The following GALNTL6 variants were observed in gnomAD, a reference collection of about 807,000 sequenced individuals.
GALNTL6 encodes the protein polypeptide N-acetylgalactosaminyltransferase-like 6.
In GALNTL6, 46 loss-of-function variants were observed where a neutral mutation model predicts 73.7. The ratio of observed to expected loss-of-function variants is 0.62; its 90% confidence interval spans 0.49 to 0.80. The LOEUF (loss-of-function observed/expected upper bound fraction) is 0.80, where lower values mean the gene tolerates loss of function less well. Ranked by LOEUF, GALNTL6 falls within the 30% of genes least tolerant of loss-of-function variation. The probability of loss-of-function intolerance (pLI) is 0.00; values close to 1 mark genes in which losing one functional copy is unlikely to be tolerated. For missense variants in GALNTL6, 604 were observed against 755.0 expected, an observed-to-expected ratio of 0.80 and a Z score of 2.34; for synonymous variants, 259 against 263.7, an observed-to-expected ratio of 0.98 and a Z score of 0.17.
chr4:172,387,583 T>G (rs1437946741), intron 5 of GALNTL6, among the ~76,000 whole-genome samples: 1 of 152,134 alleles, frequency 6.6e-6, no homozygotes, highest in East Asian at 1.9e-4. Context: ...TGTCTTTGCC[T>G]TTGACAGTTT....
At chr4:172,292,268 A>G (rs1451271238) in intron 3 of GALNTL6, among the ~76,000 whole-genome samples, 2 of 152,048 alleles carry the variant, frequency 1.3e-5, no homozygotes, top group Admixed American at 6.6e-5. Flanking sequence ...ATGATAAATT[A>G]TAGCATAAAA....
chr4:172,628,874 A>C (rs1739273852), intron 5 of GALNTL6, among the ~76,000 whole-genome samples: 1 of 152,140 alleles, frequency 6.6e-6, no homozygotes, highest in South Asian at 2.1e-4. Flanking sequence ...ATGAATATTA[A>C]AAGATTTTCA....
intron 4 of GALNTL6, among the ~76,000 whole-genome samples, chr4:172,346,988 C>CT (rs34332250): frequency 0.29 from 32,932 of 114,344 alleles, 5,017 homozygotes; most frequent in Non-Finnish European, 0.32. Flanking sequence ...TGTTTTCTTT[C>CT]TTTTTTTTTT....
intron 2 of GALNTL6, among the ~76,000 whole-genome samples, chr4:172,114,233 T>C (rs1312879864): frequency 6.6e-6 from 1 of 152,104 alleles, no homozygotes; most frequent in Non-Finnish European, 1.5e-5. Flanking sequence ...AAAGTCAAAT[T>C]TAAAACAGGC....
intron 3 of GALNTL6, among the ~76,000 whole-genome samples, chr4:172,255,358 G>A (rs1738037438): frequency 1.6e-5 from 2 of 128,982 alleles, no homozygotes; most frequent in Admixed American, 1.6e-4. Flanking sequence ...TGTTCAATTA[G>A]TTGAAGAAGC....
chr4:172,039,655 C>G (rs1203946315), intron 2 of GALNTL6, among the ~76,000 whole-genome samples: 2 of 152,134 alleles, frequency 1.3e-5, no homozygotes, highest in Non-Finnish European at 2.9e-5. Context: ...TAAAAACAGC[C>G]TCTGGAGACT....
At chr4:172,716,227 C>A (rs1387059360) in intron 5 of GALNTL6, among the ~76,000 whole-genome samples, 2 of 152,052 alleles carry the variant, frequency 1.3e-5, no homozygotes, top group Non-Finnish European at 2.9e-5. Flanking sequence ...ACCCACACAA[C>A]AATAGCTAGC....
chr4:172,579,830 GA>G lies in GALNTL6; in HGVS notation c.554-229529del, dbSNP rs2110969989. On this transcript the variant is annotated intron_variant, in intron 5 of 12. Coordinates refer to ENST00000506823, the MANE Select transcript of GALNTL6 (RefSeq NM_001034845.3). ...GGAAGGAGGGAAGGAAGGAGGGAAGGAAGGAGGGAAGGAAGGAAAGAAAGAA... is the reference window on the plus strand; with the variant it reads ...GGAAGGAGGGAAGGAAGGAGGGAAGGAGGAGGGAAGGAAGGAAAGAAAGAA... 1.0e-4 allele frequency among the ~76,000 whole-genome samples: 14 copies of G among 138,922 alleles called. No homozygotes were observed. In the South Asian group the frequency reaches 3.7e-3, roughly 37 times the overall value. 91.1% of individuals were successfully genotyped at this position (138,922 alleles called of 152,430 possible).
chr4:172,761,032 T>G (rs912478751), intron 5 of GALNTL6, among the ~76,000 whole-genome samples: 5 of 152,092 alleles, frequency 3.3e-5, no homozygotes, highest in Non-Finnish European at 5.9e-5. Flanking sequence ...AACTTTGGAG[T>G]GAACAAGTTC....
In GALNTL6 at chr4:172,980,911, A is replaced by G. The variant is rs112181408; in HGVS notation, c.1372-28267A>G. Among the ~76,000 whole-genome samples the G allele has an allele frequency of 8.2e-4, 125 of 152,266 alleles. 1 individual carries two copies. Among genetic ancestry groups the G allele is most frequent in the East Asian group, 8.1e-3 (42 of 5,174 alleles). On this transcript the variant is annotated intron_variant, in intron 10 of 12. Coordinates refer to ENST00000506823, the MANE Select transcript of GALNTL6 (RefSeq NM_001034845.3). ...TTCTACTTTTGTTTCTATCAATTTG[A>G]CTGTTTCAGGTACCTCACATAAGTA...
rs565507445 is a variant in GALNTL6 at position 172,764,040 on chromosome 4, C to A, written c.554-45321C>A. Among the ~76,000 whole-genome samples, 139 of 150,716 alleles carry A rather than the reference C, an allele frequency of 9.2e-4. 3 individuals carry two copies. The South Asian group carries it at 0.028, about 31-fold the overall frequency. ...ATGGGGCGATCTCAGCTCACAGCAA[C>A]CTCCATGTCCTGTGTTCAAACGATT... On this transcript the variant is annotated intron_variant, in intron 5 of 12. Transcript: ENST00000506823.
chr4:172,139,042 A>G (rs1186651385), intron 2 of GALNTL6, among the ~76,000 whole-genome samples: 1 of 152,152 alleles, frequency 6.6e-6, no homozygotes, highest in Non-Finnish European at 1.5e-5. Context: ...TTTGGAAGGG[A>G]AAGGTGGCAG....
At chr4:172,393,946 AT>A (rs1362321694) in intron 5 of GALNTL6, among the ~76,000 whole-genome samples, 1 of 152,186 alleles carries the variant, frequency 6.6e-6, no homozygotes, top group African/African-American at 2.4e-5. Context: ...AATGGAATAT[AT>A]ATTATTCCCA....
chr4:172,192,494 G>C (rs1265893659), intron 2 of GALNTL6, among the ~76,000 whole-genome samples: 4 of 151,904 alleles, frequency 2.6e-5, no homozygotes, highest in Admixed American at 6.6e-5. Flanking sequence ...TTCTCTCATG[G>C]GGACTGACTA....
intron 5 of GALNTL6, among the ~76,000 whole-genome samples, chr4:172,531,510 C>T (rs760023062): frequency 3.3e-5 from 5 of 152,216 alleles, no homozygotes; most frequent in Non-Finnish European, 7.3e-5. Flanking sequence ...GATTGATTCA[C>T]TGGGACCCAG....
At chr4:172,853,384 A>G (rs1743942501) in intron 7 of GALNTL6, among the ~76,000 whole-genome samples, 1 of 152,228 alleles carries the variant, frequency 6.6e-6, no homozygotes, top group Non-Finnish European at 1.5e-5. Flanking sequence ...TAACATAGTC[A>G]CATAATCACA....
intron 2 of GALNTL6, among the ~76,000 whole-genome samples, chr4:172,168,768 C>T (rs7677333): frequency 0.35 from 53,544 of 151,942 alleles, 9,644 homozygotes; most frequent in Admixed American, 0.38. Context: ...TTGTCAATTA[C>T]AGGCCAAAAC....
At chr4:172,413,462 C>T (rs1242059508) in intron 5 of GALNTL6, among the ~76,000 whole-genome samples, 2 of 152,070 alleles carry the variant, frequency 1.3e-5, no homozygotes, top group Admixed American at 6.6e-5. Context: ...GCCATAATAA[C>T]AAATATTCCC....
chr4:172,445,770 A>T (rs1017583165), intron 5 of GALNTL6, among the ~76,000 whole-genome samples: 1 of 152,114 alleles, frequency 6.6e-6, no homozygotes, highest in African/African-American at 2.4e-5. Flanking sequence ...TGAATGTATG[A>T]GTGTGTTTTC....
Sources: gnomAD v4.1 joint callset for allele counts (sites outside exome capture counted in the v4.1 genomes callset) on GRCh38, gnomAD v4.1.1 for gene constraint, MANE v1.5 for transcripts, NCBI Gene and HGNC (gene_info 2026-07-23, HGNC 2026-07-21) for gene names.